The following SLC2A9 variants were observed in gnomAD, a reference collection of about 807,000 sequenced individuals.
SLC2A9 encodes the protein solute carrier family 2 member 9, also known as solute carrier family 2, facilitated glucose transporter member 9.
SLC2A9 carries 39 observed loss-of-function variants against 50.6 expected under a neutral mutation model. The ratio of observed to expected loss-of-function variants is 0.77; its 90% confidence interval spans 0.60 to 1.01. SLC2A9 has a LOEUF of 1.01. Ranked by LOEUF, SLC2A9 falls within the 50% of genes least tolerant of loss-of-function variation. The pLI is 0.00. For missense variants in SLC2A9, 686 were observed against 677.6 expected (o/e 1.01, Z -0.14); for synonymous variants, 324 against 276.9 (o/e 1.17, Z -1.69).
At chr4:9,902,474 G>A (rs550102619) in intron 8 of SLC2A9, among the ~76,000 whole-genome samples, 1 of 152,318 alleles carries the variant, frequency 6.6e-6, no homozygotes, top group South Asian at 2.1e-4. Context: ...AAGAGTAACT[G>A]CGTGAGTTTC....
chr4:9,832,030 C>A (rs1382294479), intron 11 of SLC2A9, among the ~76,000 whole-genome samples: 1 of 152,220 alleles, frequency 6.6e-6, no homozygotes, highest in African/African-American at 2.4e-5. Context: ...AGACTTCTAC[C>A]TTCTAGAATT....
chr4:9,966,034 C>A (rs1346974206), intron 5 of SLC2A9, among the ~76,000 whole-genome samples: 11 of 152,138 alleles, frequency 7.2e-5, no homozygotes, highest in Admixed American at 7.2e-4. Flanking sequence ...TTACTTGTTA[C>A]AGCATCAACA....
At chr4:9,782,798 C>T (rs77784509) in intron 3 of SLC2A9, 3 of 1,613,742 alleles carry the variant, frequency 1.9e-6, no homozygotes, top group Non-Finnish European at 2.5e-6. Flanking sequence ...GGTGCAGATC[C>T]GCAGGATTTC....
At chr4:9,979,541 C>T (rs1755355435) in intron 5 of SLC2A9, among the ~76,000 whole-genome samples, 1 of 152,102 alleles carries the variant, frequency 6.6e-6, no homozygotes, top group Non-Finnish European at 1.5e-5. Flanking sequence ...CCTAGCAAGT[C>T]CAGTGGCCTC....
chr4:9,848,266 C>T (rs957091287), intron 10 of SLC2A9, among the ~76,000 whole-genome samples: 4 of 151,906 alleles, frequency 2.6e-5, no homozygotes, highest in South Asian at 4.2e-4. Context: ...GAAGCAATGG[C>T]GCCTTTTTCC....
At chr4:9,870,816 G>A (rs1020941990) in intron 10 of SLC2A9, among the ~76,000 whole-genome samples, 1 of 152,228 alleles carries the variant, frequency 6.6e-6, no homozygotes, top group South Asian at 2.1e-4. Context: ...CCCTGGAGCT[G>A]TGGTGTCCTC....
upstream of SLC2A9, among the ~76,000 whole-genome samples, chr4:10,023,558 C>T (rs1309220246): frequency 6.6e-6 from 1 of 152,274 alleles, no homozygotes; most frequent in East Asian, 1.9e-4. Flanking sequence ...TCAAAAGGAA[C>T]CAGAAATTAG....
chr4:9,878,587 C>A (rs1322347605), intron 10 of SLC2A9, among the ~76,000 whole-genome samples: 1 of 152,022 alleles, frequency 6.6e-6, no homozygotes. Context: ...CTGTATGCCT[C>A]TCTTCCACTT....
chr4:10,033,567 G>A (rs569376465), intron 1 of SLC2A9, among the ~76,000 whole-genome samples: 39 of 152,264 alleles, frequency 2.6e-4, no homozygotes, highest in South Asian at 8.3e-4. Flanking sequence ...CATCTGGCCC[G>A]CTTAAAATAT....
Position 9,943,490 on chromosome 4 carries a change from G to A in SLC2A9, c.682-1445C>T, listed in dbSNP as rs543881674. Among the ~76,000 whole-genome samples, 14 of 152,302 alleles carry A rather than the reference G, an allele frequency of 9.2e-5. 1 individual carries two copies. In the South Asian group the frequency reaches 2.9e-3, roughly 32 times the overall value. ...TAGGCTAGGGCTGTCGGGGGCCCAG[G>A]AGGGCCAGGGACAGGGGAGTGGGGA... On this transcript the variant is annotated intron_variant, in intron 5 of 11. Coordinates refer to ENST00000264784, the MANE Select transcript of SLC2A9 (RefSeq NM_020041.3).
intron 10 of SLC2A9, among the ~76,000 whole-genome samples, chr4:9,870,435 C>A (rs1386295899): frequency 6.6e-6 from 1 of 152,194 alleles, no homozygotes; most frequent in Non-Finnish European, 1.5e-5. Context: ...TCAAGGACTG[C>A]AGAGCCAGTT....
At chr4:9,774,929 C>A (rs922315386), downstream of SLC2A9, among the ~76,000 whole-genome samples, 1 of 152,080 alleles carries the variant, frequency 6.6e-6, no homozygotes, top group Admixed American at 6.5e-5. Context: ...GCAGAGCCAC[C>A]CAGCCAAAAG....
chr4:9,998,226 G>A (rs938817886), intron 2 of SLC2A9, among the ~76,000 whole-genome samples: 10 of 152,224 alleles, frequency 6.6e-5, no homozygotes, highest in Non-Finnish European at 1.5e-4. Flanking sequence ...GGTACTTAGA[G>A]TTCCCTGTTG....
intron 6 of SLC2A9, among the ~76,000 whole-genome samples, chr4:9,926,694 C>A (rs1269209384): frequency 6.6e-6 from 1 of 152,016 alleles, no homozygotes; most frequent in African/African-American, 2.4e-5. Flanking sequence ...GAAGTCCTAA[C>A]CCCTGGTAGC....
chr4:9,848,596 C>A (rs6812007), intron 10 of SLC2A9, among the ~76,000 whole-genome samples: 71,698 of 152,004 alleles, frequency 0.47, 19,284 homozygotes, highest in African/African-American at 0.74. Flanking sequence ...GCCCCATAGC[C>A]AATCATGTCT....
At chr4:10,019,123 G>C in intron 1 of SLC2A9, 50 bp from the exon 2 acceptor site, 3 of 1,469,548 alleles carry the variant, frequency 2.0e-6, no homozygotes, top group Non-Finnish European at 2.8e-6. Flanking sequence ...GCGCAGCCAG[G>C]GCCGAGGGAA....
At chr4:9,904,467 C>T (rs1363910812) in intron 8 of SLC2A9, among the ~76,000 whole-genome samples, 1 of 152,180 alleles carries the variant, frequency 6.6e-6, no homozygotes, top group African/African-American at 2.4e-5. Flanking sequence ...TACAAGGACC[C>T]TGTGATAATA....
At chr4:9,825,684 C>T (rs1725027574), downstream of SLC2A9, among the ~76,000 whole-genome samples, 1 of 152,154 alleles carries the variant, frequency 6.6e-6, no homozygotes. Flanking sequence ...TCTCTGTGAG[C>T]ACACAGGACT....
chr4:9,825,400 G>A (rs920654118), downstream of SLC2A9, among the ~76,000 whole-genome samples: 5 of 152,102 alleles, frequency 3.3e-5, no homozygotes, highest in East Asian at 9.6e-4. Flanking sequence ...TTTGAGTGAT[G>A]GTGAACTCCC....
Sources: allele counts gnomAD v4.1 joint callset (sites outside exome capture counted in the v4.1 genomes callset), GRCh38; gene constraint gnomAD v4.1.1; transcripts MANE v1.5; gene names NCBI Gene and HGNC (gene_info 2026-07-23, HGNC 2026-07-21).